The following GHR variants were observed in gnomAD, a reference collection of about 807,000 sequenced individuals.
GHR encodes the protein growth hormone receptor, also known as GH receptor.
Under a neutral mutation model 67.1 loss-of-function variants are expected in GHR, and 35 were observed. The ratio of observed to expected loss-of-function variants is 0.52; its 90% CI spans 0.40 to 0.69. GHR has a LOEUF of 0.69. Ranked by LOEUF, GHR falls within the 30% of genes least tolerant of loss-of-function variation. The pLI is 0.00. For missense variants in GHR, 792 were observed against 764.6 expected (o/e 1.04, Z -0.42); for synonymous variants, 272 against 269.1 (o/e 1.01, Z -0.10).
Position 42,652,147 on chromosome 5 carries a change from G to T in GHR, c.136+23044G>T, listed in dbSNP as rs112980112. Among the ~76,000 whole-genome samples the T allele has an allele frequency of 7.7e-3, 1,177 of 152,268 alleles. 16 individuals carry two copies. The highest frequency in any genetic ancestry group is 0.066 in the South Asian group (320 of 4,828). Reference sequence around the variant, plus strand: ...TCTCACTTCCTATACCAAATAGAGAGAATGAAAGTACTAGATTTTGTATTA... The same window carrying T: ...TCTCACTTCCTATACCAAATAGAGATAATGAAAGTACTAGATTTTGTATTA... On this transcript the variant is annotated intron_variant, in intron 3 of 9. Coordinates refer to ENST00000230882, the MANE Select transcript of GHR (RefSeq NM_000163.5).
intron 1 of GHR, among the ~76,000 whole-genome samples, chr5:42,470,469 C>A (rs752988666): frequency 1.3e-5 from 2 of 151,984 alleles, no homozygotes; most frequent in Non-Finnish European, 2.9e-5. Context: ...ATAGATTTCC[C>A]GCAGAATCTT....
At chr5:42,629,139 A>AT in intron 3 of GHR, 36 bp downstream of exon 3, 1 of 1,048,638 alleles carries the variant, frequency 9.5e-7, no homozygotes, top group Non-Finnish European at 1.4e-6. Flanking sequence ...CTTCAATGAT[A>AT]TTTTCCATGT....
intron 2 of GHR, 46 bp from the exon 3 acceptor site, chr5:42,628,992 T>C: frequency 9.4e-7 from 1 of 1,060,338 alleles, no homozygotes; most frequent in Non-Finnish European, 1.4e-6. Flanking sequence ...CATATCAGAT[T>C]GTTTTGATGG....
rs1759029134 is a variant in GHR at position 42,721,672 on chromosome 5, C to T, written c.*2248C>T. Reference sequence around the variant, plus strand: ...TTCTATAGCCAAAAATAGCTAAATACCTCAATCAGTCTCAGAATGTCATTT... The same window carrying T: ...TTCTATAGCCAAAAATAGCTAAATATCTCAATCAGTCTCAGAATGTCATTT... On this transcript the variant is annotated 3_prime_UTR_variant, in exon 10 of 10. Coordinates refer to ENST00000230882, the MANE Select transcript of GHR (RefSeq NM_000163.5). 1 of 152,620 alleles carries T rather than the reference C, an allele frequency of 6.6e-6. No homozygotes were observed. The highest frequency in any genetic ancestry group is 1.5e-5 in the Non-Finnish European group (1 of 68,040). 9.5% of individuals were successfully genotyped at this position (152,620 alleles called of 1,614,324 possible). A position where few individuals can be genotyped will look rare whatever the true frequency, so the allele number is the denominator to read the frequency against.
At chr5:42,442,162 G>A (rs1002660340) in intron 1 of GHR, among the ~76,000 whole-genome samples, 3 of 152,136 alleles carry the variant, frequency 2.0e-5, no homozygotes, top group Non-Finnish European at 4.4e-5. Flanking sequence ...AGAGAGAAAG[G>A]GGCTGGCATA....
intron 1 of GHR, among the ~76,000 whole-genome samples, chr5:42,500,331 G>A (rs535760991): frequency 2.6e-4 from 39 of 152,308 alleles, no homozygotes; most frequent in African/African-American, 5.3e-4. Context: ...CTGTAGCTGC[G>A]GTTAAAACAA....
intron 5 of GHR, among the ~76,000 whole-genome samples, chr5:42,699,289 C>T (rs1292519580): frequency 1.3e-5 from 2 of 151,414 alleles, no homozygotes; most frequent in Admixed American, 6.6e-5. Flanking sequence ...CTTGAAAGTA[C>T]AGCTGACGGA....
chr5:42,643,133 T>C (rs925996894), intron 3 of GHR, among the ~76,000 whole-genome samples: 1 of 152,140 alleles, frequency 6.6e-6, no homozygotes, highest in Non-Finnish European at 1.5e-5. Flanking sequence ...ATTACACATA[T>C]GCATTGAAGG....
Position 42,546,845 on chromosome 5 carries a change from A to G in GHR, c.-11-19019A>G, listed in dbSNP as rs576778492. Reference sequence around the variant, plus strand: ...GGTGGCTAGTAACAGTAGTGAGGATAAAGGGGGATGGAATGGACTCAAAAG... The same window carrying G: ...GGTGGCTAGTAACAGTAGTGAGGATGAAGGGGGATGGAATGGACTCAAAAG... On this transcript the variant is annotated intron_variant, in intron 1 of 9. Transcript: ENST00000230882. Among the ~76,000 whole-genome samples, 7 of 152,246 alleles carry G rather than the reference A, an allele frequency of 4.6e-5. No individual in the cohort carries two copies. The East Asian group carries it at 1.4e-3, about 30-fold the overall frequency.
intron 1 of GHR, among the ~76,000 whole-genome samples, chr5:42,460,847 A>G (rs1457845007): frequency 1.3e-5 from 2 of 152,198 alleles, no homozygotes; most frequent in African/African-American, 4.8e-5. Flanking sequence ...TTGTTAATCA[A>G]TGAAGACCAG....
chr5:42,559,344 C>T (rs1179396608), intron 1 of GHR, among the ~76,000 whole-genome samples: 1 of 151,956 alleles, frequency 6.6e-6, no homozygotes, highest in East Asian at 1.9e-4. Flanking sequence ...AATTAGAGAC[C>T]AGCCTGGGCA....
intron 2 of GHR, among the ~76,000 whole-genome samples, chr5:42,569,080 G>A (rs1194067692): frequency 7.2e-5 from 11 of 152,172 alleles, no homozygotes; most frequent in Non-Finnish European, 7.4e-5. Context: ...CATGAAGGAG[G>A]TTGACATTGT....
chr5:42,462,760 T>C (rs1300824150), intron 1 of GHR, among the ~76,000 whole-genome samples: 1 of 152,032 alleles, frequency 6.6e-6, no homozygotes, highest in Non-Finnish European at 1.5e-5. Flanking sequence ...TCAAAAATTA[T>C]AATACAAGGT....
chr5:42,507,503 C>G (rs780169307), intron 1 of GHR, among the ~76,000 whole-genome samples: 1 of 152,264 alleles, frequency 6.6e-6, no homozygotes, highest in Middle Eastern at 3.4e-3. Flanking sequence ...TACTCAAGTG[C>G]GATTGTAAAA....
intron 1 of GHR, chr5:42,548,437 G>A (rs1297737820): frequency 1.0e-6 from 1 of 984,642 alleles, no homozygotes; most frequent in African/African-American, 1.8e-5. Flanking sequence ...ATGAGTGAAA[G>A]AAAAAGGAAA....
intron 1 of GHR, among the ~76,000 whole-genome samples, chr5:42,524,080 A>G (rs190142862): frequency 7.8e-4 from 119 of 152,340 alleles, no homozygotes; most frequent in African/African-American, 2.7e-3. Flanking sequence ...GTAAATTGGT[A>G]CCAGTAGAGT....
intron 2 of GHR, among the ~76,000 whole-genome samples, chr5:42,605,325 C>T (rs1472673402): frequency 6.6e-6 from 1 of 151,838 alleles, no homozygotes; most frequent in East Asian, 1.9e-4. Context: ...AGGCTGGTGT[C>T]GAGCTCCCGA....
rs1004918824 is a variant in GHR, at chr5:42,549,389, G to A, written c.-11-16475G>A. 1.3e-5 allele frequency among the ~76,000 whole-genome samples: 2 copies of A among 152,200 alleles called. 1 individual carries two copies. Among genetic ancestry groups the A allele is most frequent in the African/African-American group, 4.8e-5 (2 of 41,454 alleles). Reference sequence around the variant, plus strand: ...TGTGCTAGGTAGTGGGCAATATAAAGATGAGCCACAGGAGAGAGATGACAA... The same window carrying A: ...TGTGCTAGGTAGTGGGCAATATAAAAATGAGCCACAGGAGAGAGATGACAA... On this transcript the variant is annotated intron_variant, in intron 1 of 9. Transcript: ENST00000230882.
At chr5:42,711,846 G>GAAA (rs1292152142) in intron 7 of GHR, among the ~76,000 whole-genome samples, 1 of 152,022 alleles carries the variant, frequency 6.6e-6, no homozygotes, top group Non-Finnish European at 1.5e-5. Context: ...AGGTGCATAC[G>GAAA]GTTTTAGAAA....
Sources: allele counts gnomAD v4.1 joint callset (sites outside exome capture counted in the v4.1 genomes callset), GRCh38; gene constraint gnomAD v4.1.1; transcripts MANE v1.5; gene names NCBI Gene and HGNC (gene_info 2026-07-23, HGNC 2026-07-21).